SLC5A2: variants seen among roughly 807,000 people sequenced by gnomAD.
SLC5A2 encodes sodium/glucose cotransporter 2.
SLC5A2 carries 67 observed loss-of-function variants against 69.0 expected under a neutral mutation model. The observed-to-expected ratio is 0.97, with a 90% confidence interval of 0.80 to 1.19. The LOEUF (loss-of-function observed/expected upper bound fraction) is 1.19, where lower values mean the gene tolerates loss of function less well. Among genes scored for constraint, SLC5A2 ranks in the 50% most tolerant of loss-of-function variants. SLC5A2 has a pLI of 0.00. For missense variants in SLC5A2, 1,001 were observed against 921.5 expected, an observed-to-expected ratio of 1.09 and a Z score of -1.12; for synonymous variants, 455 against 395.8, an observed-to-expected ratio of 1.15 and a Z score of -1.78.
intron 1 of SLC5A2, 22 bp downstream of exon 1, chr16:31,483,284 T>C: frequency 6.2e-7 from 1 of 1,606,720 alleles, no homozygotes; most frequent in Non-Finnish European, 8.5e-7. Context: ...GGGGGTGTGC[T>C]GCTGGTGGCT....
At position 31,488,741 on chromosome 16, in the gene SLC5A2, G is replaced by A. The variant is rs1346754449; in HGVS notation, c.1249G>A (p.Ala417Thr). 1.2e-6 allele frequency: 2 copies of A among 1,606,356 alleles called. No individual in the cohort carries two copies. Among genetic ancestry groups the A allele is most frequent in the African/African-American group, 1.3e-5 (1 of 74,810 alleles). Residue 417 changes from alanine to threonine, a missense_variant, in exon 10 of 14, where the codon GCC (alanine) becomes ACC (threonine). Coordinates refer to ENST00000330498, the MANE Select transcript of SLC5A2 (RefSeq NM_003041.4). ...MDIYTRLRPRAGDRELLLVGR... is the reference protein window; with the variant it reads ...MDIYTRLRPRTGDRELLLVGR... ...CATCTACACGCGCCTGCGGCCACGC[G>A]CCGGCGACCGCGAGCTGCTGCTGGT...
rs930071144 is a variant in SLC5A2 at position 31,487,379 on chromosome 16, G to T, written c.634G>T (p.Ala212Ser). The change falls in exon 6 of 14, where the codon GCC becomes TCC. Residue 212 changes from alanine to serine, a missense_variant. Ala to Ser is a moderately conservative substitution (Grantham distance 99). Transcript: ENST00000330498. ...TVQTFVILGG[A>S]CILMGYAFHE... ...ACAGACCTTCGTCATTCTGGGGGGC[G>T]CCTGCATCCTCATGGGTTACGGTAG... 1 of 1,613,736 alleles carries T rather than the reference G, an allele frequency of 6.2e-7. No homozygotes were observed. The highest frequency in any genetic ancestry group is 8.5e-7 in the Non-Finnish European group (1 of 1,180,028).
At chr16:31,484,239 C>CAT (rs1216433348) in intron 1 of SLC5A2, among the ~76,000 whole-genome samples, 2 of 149,704 alleles carry the variant, frequency 1.3e-5, no homozygotes, top group Non-Finnish European at 3.0e-5. Context: ...CACACACACA[C>CAT]ACACACACAC....
intron 12 of SLC5A2, 30 bp downstream of exon 12, chr16:31,489,368 T>C (rs916653438): frequency 1.0e-5 from 16 of 1,585,606 alleles, no homozygotes; most frequent in Admixed American, 3.4e-5. Flanking sequence ...AGGCAAGCAC[T>C]GTGGGACACA....
intron 1 of SLC5A2, among the ~76,000 whole-genome samples, chr16:31,484,256 A>ACACACACACACG (rs1284793200): frequency 4.8e-5 from 7 of 145,624 alleles, no homozygotes; most frequent in African/African-American, 1.3e-4. Flanking sequence ...ACACACACAC[A>ACACACACACACG]CGCACACACA....
intron 9 of SLC5A2, 40 bp downstream of exon 9, chr16:31,488,530 G>A (rs773641998): frequency 1.2e-6 from 2 of 1,601,290 alleles, no homozygotes; most frequent in Non-Finnish European, 1.7e-6. Context: ...GCTCGCTGCG[G>A]AGCCCGCTGC....
rs1040682360 is a variant in SLC5A2, at chr16:31,484,732, G to T, written c.186G>T (p.Met62Ile). 7 of 1,610,456 alleles carry T rather than the reference G, an allele frequency of 4.3e-6. No homozygotes were observed. The highest frequency in any genetic ancestry group is 5.9e-6 in the Non-Finnish European group (7 of 1,179,992). The change falls in exon 2 of 14, where the codon ATG becomes ATT. Residue 62 changes from methionine to isoleucine, a missense_variant. Coordinates refer to ENST00000330498, the MANE Select transcript of SLC5A2 (RefSeq NM_003041.4). ...VGGYFLAGRS[M>I]VWWPVGASLF... ...GCTACTTCCTGGCAGGACGCAGCATGGTGTGGTGGCCGGTGAGACGGGCTG... is the reference window on the plus strand; with the variant it reads ...GCTACTTCCTGGCAGGACGCAGCATTGTGTGGTGGCCGGTGAGACGGGCTG...
Position 31,487,652 on chromosome 16 carries a change from C to A in SLC5A2, c.778C>A (p.Pro260Thr), listed in dbSNP as rs754771709. 6 of 1,613,734 alleles carry A rather than the reference C, an allele frequency of 3.7e-6. No individual in the cohort carries two copies. Among genetic ancestry groups the A allele is most frequent in the South Asian group, 2.2e-5 (2 of 91,094 alleles). ...NISSFCYRPR[P>T]DSYHLLRHPV... ...CTCCAGCTTCTGCTATCGACCCCGG[C>A]CCGACTCCTACCACCTGCTCCGGCA... Residue 260 changes from proline (P) to threonine (T), a missense_variant, in exon 7 of 14, where the codon CCC (proline) becomes ACC (threonine). Coordinates refer to ENST00000330498, the MANE Select transcript of SLC5A2 (RefSeq NM_003041.4).
rs553125834 is a variant in SLC5A2, at chr16:31,484,254, A to G, written c.127-419A>G. Among the ~76,000 whole-genome samples, 158 of 150,160 alleles carry G rather than the reference A, an allele frequency of 1.1e-3. 1 individual carries two copies. Among genetic ancestry groups the G allele is most frequent in the Middle Eastern group, 3.4e-3 (1 of 290 alleles). On this transcript the variant is annotated intron_variant, in intron 1 of 13. Coordinates refer to ENST00000330498, the MANE Select transcript of SLC5A2 (RefSeq NM_003041.4). ...CACACACACACACACACACACACACACACGCACACACACACAAAAAGCTGG... is the reference window on the plus strand; with the variant it reads ...CACACACACACACACACACACACACGCACGCACACACACACAAAAAGCTGG...
intron 12 of SLC5A2, 184 bp from the exon 13 acceptor site, chr16:31,489,920 G>A (rs902896872): frequency 5.3e-6 from 4 of 748,228 alleles, no homozygotes; most frequent in Admixed American, 4.3e-5. Context: ...AGGGGCTTGG[G>A]GTTTATCCCG....
intron 7 of SLC5A2, 36 bp from the exon 8 acceptor site, chr16:31,488,002 G>A (rs763852638): frequency 1.9e-6 from 3 of 1,608,434 alleles, no homozygotes; most frequent in Non-Finnish European, 8.5e-7. Flanking sequence ...GCCGAGGGGA[G>A]GCCCGCAAGC....
Position 31,488,777 on chromosome 16 carries a change from G to A in SLC5A2, c.1280+5G>A, listed in dbSNP as rs1342812311. The A allele has an allele frequency of 2.5e-6, 4 of 1,600,652 alleles. No homozygotes were observed. In the South Asian group the frequency reaches 3.3e-5, roughly 13 times the overall value. ...CGAGCTGCTGCTGGTGGGACGGTGC[G>A]GCCTGGGCTCCCCTCCTCCCCAACG... On this transcript the variant is annotated splice_donor_5th_base_variant and intron_variant, in intron 10 of 13. Coordinates refer to ENST00000330498, the MANE Select transcript of SLC5A2 (RefSeq NM_003041.4).
rs770588592 is a variant in SLC5A2, at chr16:31,488,633, C to CTCATGCTGGCGG, written c.1152_1163dup (p.Val385_Ala388dup). ...CCGTCGGCCCGCAGGTCTGCGCGGACTCATGCTGGCGGTCATGCTGGCCGC... is the reference window on the plus strand; with the variant it reads ...CCGTCGGCCCGCAGGTCTGCGCGGACTCATGCTGGCGGTCATGCTGGCGGTCATGCTGGCCGC... On this transcript the variant is annotated inframe_insertion, in exon 10 of 14. Coordinates refer to ENST00000330498, the MANE Select transcript of SLC5A2 (RefSeq NM_003041.4). 2 of 1,611,546 alleles carry CTCATGCTGGCGG rather than the reference C, an allele frequency of 1.2e-6. No individual in the cohort carries two copies. The highest frequency in any genetic ancestry group is 3.3e-5 in the Admixed American group (2 of 59,948).
In SLC5A2 at chr16:31,487,655, G is replaced by T; in HGVS notation, c.781G>T (p.Asp261Tyr). ...ISSFCYRPRP[D>Y]SYHLLRHPVT... ...CAGCTTCTGCTATCGACCCCGGCCC[G>T]ACTCCTACCACCTGCTCCGGCACCC... The change falls in exon 7 of 14, where the codon GAC becomes TAC. Residue 261 changes from aspartate to tyrosine, a missense_variant. Coordinates refer to ENST00000330498, the MANE Select transcript of SLC5A2 (RefSeq NM_003041.4). 3.1e-6 allele frequency: 5 copies of T among 1,613,806 alleles called. No homozygotes were observed. Among genetic ancestry groups the T allele is most frequent in the Non-Finnish European group, 3.4e-6 (4 of 1,180,002 alleles).
At chr16:31,488,567 G>A in intron 9 of SLC5A2, 55 bp from the exon 10 acceptor site, 2 of 1,606,676 alleles carry the variant, frequency 1.2e-6, no homozygotes, top group South Asian at 1.1e-5. Context: ...TCGCGCAGCT[G>A]CAGCCGCCCT....
At position 31,490,545 on chromosome 16, in the gene SLC5A2, C is replaced by T. The variant is rs373179527; in HGVS notation, c.*10C>T. 24 of 1,593,628 alleles carry T rather than the reference C, an allele frequency of 1.5e-5. No individual in the cohort carries two copies. Among genetic ancestry groups the T allele is most frequent in the African/African-American group, 1.2e-4 (9 of 74,730 alleles). ...GGGCTTCTATGCCTAAGACCAACTG[C>T]GTTGGACACCATAAGCCACAGCCTC... On this transcript the variant is annotated 3_prime_UTR_variant, in exon 14 of 14. Coordinates refer to ENST00000330498, the MANE Select transcript of SLC5A2 (RefSeq NM_003041.4).
At chr16:31,489,715 G>C (rs989302446) in intron 12 of SLC5A2, 8 of 451,962 alleles carry the variant, frequency 1.8e-5, no homozygotes, top group African/African-American at 1.6e-4. Context: ...GTGGGGTGAG[G>C]ACAGGACAAG....
rs1279852492 is a variant in SLC5A2, at chr16:31,484,844, A to G, written c.224A>G (p.Asn75Ser). 1 of 1,613,948 alleles carries G rather than the reference A, an allele frequency of 6.2e-7. No homozygotes were observed. Among genetic ancestry groups the G allele is most frequent in the Non-Finnish European group, 8.5e-7 (1 of 1,180,030 alleles). ...WPVGASLFAS[N>S]IGSGHFVGLA... Reference sequence around the variant, plus strand: ...GTTGGGGCCTCTCTCTTCGCCAGCAACATCGGCAGTGGCCACTTTGTGGGC... The same window carrying G: ...GTTGGGGCCTCTCTCTTCGCCAGCAGCATCGGCAGTGGCCACTTTGTGGGC... The change falls in exon 3 of 14, where the codon AAC (asparagine) becomes AGC (serine). Residue 75 changes from asparagine (N) to serine (S), a missense_variant. By Grantham distance (46) the Asn-to-Ser change is conservative. Transcript: ENST00000330498.
intron 3 of SLC5A2, 113 bp from the exon 4 acceptor site, chr16:31,485,616 C>T (rs990399709): frequency 1.5e-6 from 2 of 1,357,556 alleles, no homozygotes; most frequent in South Asian, 1.2e-5. Context: ...TCCTCTGGGC[C>T]CCAGATGTGG....
Sources: gnomAD v4.1 joint callset for allele counts (sites outside exome capture counted in the v4.1 genomes callset) on GRCh38, gnomAD v4.1.1 for gene constraint, MANE v1.5 for transcripts, NCBI Gene and HGNC (gene_info 2026-07-23, HGNC 2026-07-21) for gene names.